CCNH: variants seen among roughly 807,000 people sequenced by gnomAD.
The protein encoded by CCNH is cyclin-H.
A neutral mutation model predicts 41.9 loss-of-function variants in CCNH; 31 were observed. That is an observed-to-expected ratio of 0.74 (90% CI 0.56 to 1.00). The LOEUF is 1.00. CCNH is among the 50% of genes least tolerant of loss of function. CCNH has a pLI of 0.00. For synonymous variants in CCNH, 138 were observed against 136.1 expected (o/e 1.01, Z -0.10); for missense variants, 362 against 388.4 (o/e 0.93, Z 0.57).
At chr5:87,316,315 G>A (rs550436846), downstream of CCNH, among the ~76,000 whole-genome samples, 50 of 152,152 alleles carry the variant, frequency 3.3e-4, no homozygotes, top group Non-Finnish European at 6.3e-4. Context: ...GTTGGTTTCA[G>A]AATGCATTTT....
chr5:87,321,491 TTGG>T (rs1756801871), intron 9 of CCNH, among the ~76,000 whole-genome samples: 2 of 152,244 alleles, frequency 1.3e-5, no homozygotes, highest in Non-Finnish European at 2.9e-5. Flanking sequence ...TGGCTTCGAG[TTGG>T]GGTTTCCACA....
At chr5:87,384,874 T>C (rs772590890) in intron 9 of CCNH, among the ~76,000 whole-genome samples, 1 of 152,104 alleles carries the variant, frequency 6.6e-6, no homozygotes, top group Non-Finnish European at 1.5e-5. Context: ...AGCGAATTAT[T>C]TGGACTGCAA....
intron 5 of CCNH, among the ~76,000 whole-genome samples, chr5:87,403,686 G>C (rs1561351305): frequency 6.6e-6 from 1 of 152,184 alleles, no homozygotes; most frequent in Non-Finnish European, 1.5e-5. Context: ...GCAAGCTGAA[G>C]TAGGAGGATC....
At chr5:87,338,536 A>ATATTTTTTTTT in intron 9 of CCNH, among the ~76,000 whole-genome samples, 8 of 85,214 alleles carry the variant, frequency 9.4e-5, no homozygotes, top group African/African-American at 2.7e-4. Context: ...TATATATAAA[A>ATATTTTTTTTT]TTTTTTTTTT....
chr5:87,393,942 T>TAA (rs1362174458), downstream of CCNH: 1 of 152,272 alleles, frequency 6.6e-6, no homozygotes, highest in African/African-American at 2.4e-5. Flanking sequence ...TTCGGGTAAC[T>TAA]AAAGAAAAAT....
chr5:87,311,562 G>A, the CCNH span, among the ~76,000 whole-genome samples: 3 of 152,226 alleles, frequency 2.0e-5, no homozygotes, highest in Admixed American at 2.0e-4. Flanking sequence ...GTCCAGCAGA[G>A]ATTAGATGCA....
chr5:87,391,542 T>C (rs1325953686), downstream of CCNH: 3 of 237,828 alleles, frequency 1.3e-5, no homozygotes, highest in Admixed American at 1.0e-4. Context: ...TTTGTTGAAA[T>C]TGTCAAAGAC....
At chr5:87,355,003 G>C (rs1235544149) in intron 9 of CCNH, among the ~76,000 whole-genome samples, 1 of 152,064 alleles carries the variant, frequency 6.6e-6, no homozygotes, top group Non-Finnish European at 1.5e-5. Flanking sequence ...AAGAAAAGTT[G>C]GAAGCTACCA....
chr5:87,344,769 T>A (rs1036888810), intron 9 of CCNH, among the ~76,000 whole-genome samples: 1 of 149,848 alleles, frequency 6.7e-6, no homozygotes, highest in African/African-American at 2.5e-5. Flanking sequence ...TCCTCCCACC[T>A]TGGCCTTCCA....
chr5:87,389,475 T>G, downstream of CCNH: 2 of 1,614,194 alleles, frequency 1.2e-6, no homozygotes. Context: ...GAGATTTGCG[T>G]GGCTCATTCA....
At chr5:87,393,228 G>C, downstream of CCNH, among the ~76,000 whole-genome samples, 1 of 152,136 alleles carries the variant, frequency 6.6e-6, no homozygotes, top group Non-Finnish European at 1.5e-5. Context: ...CTGAGACTGA[G>C]GAGGTGTGTG....
intron 9 of CCNH, among the ~76,000 whole-genome samples, chr5:87,382,470 A>T (rs1317422967): frequency 6.6e-6 from 1 of 152,220 alleles, no homozygotes; most frequent in Non-Finnish European, 1.5e-5. Context: ...TATGTCTATC[A>T]ATCTGTAGAA....
intron 9 of CCNH, among the ~76,000 whole-genome samples, chr5:87,368,084 A>G (rs1369461133): frequency 6.6e-6 from 1 of 152,074 alleles, no homozygotes; most frequent in Non-Finnish European, 1.5e-5. Context: ...TTTAGTATCT[A>G]ATTTAAACAG....
intron 9 of CCNH, among the ~76,000 whole-genome samples, chr5:87,322,080 G>C (rs1756860844): frequency 6.6e-6 from 1 of 152,144 alleles, no homozygotes; most frequent in African/African-American, 2.4e-5. Flanking sequence ...GTGGGTGTTT[G>C]GATCATAAAG....
chr5:87,362,553 TCAAGAA>T lies in CCNH; in HGVS notation c.*90+30211_*90+30216del, dbSNP rs2112456366. ...TTTTAATGTTTTTTAAAATTCAGGA[TCAAGAA>T]CAAGTACTCAATGACACAGTGGATG... On this transcript the variant is annotated intron_variant and NMD_transcript_variant, in intron 9 of 9. Coordinates refer to the CCNH transcript ENST00000645953. The T allele has an allele frequency of 1.9e-6, 3 of 1,589,940 alleles. No homozygotes were observed. The highest frequency in any genetic ancestry group is 2.6e-6 in the Non-Finnish European group (3 of 1,158,666).
chr5:87,359,411 ATGT>A (rs1390993808), intron 9 of CCNH, among the ~76,000 whole-genome samples: 2 of 152,164 alleles, frequency 1.3e-5, no homozygotes, highest in Non-Finnish European at 2.9e-5. Flanking sequence ...TTGAAAAGTG[ATGT>A]TGTGTTTTTG....
downstream of CCNH, chr5:87,386,731 T>C: frequency 9.4e-6 from 10 of 1,064,390 alleles, no homozygotes; most frequent in Non-Finnish European, 1.5e-5. Context: ...GTAATTGCAG[T>C]TTTTGCTGTT....
Position 87,368,797 on chromosome 5 carries a change from T to C in CCNH, c.*90+23973A>G, listed in dbSNP as rs16902634. ...TGGCAACTGCCTTGAACGGAAAAGA[T>C]GTGGAGAATGTCGGGTTAATTATAG... On this transcript the variant is annotated intron_variant and NMD_transcript_variant, in intron 9 of 9. Coordinates refer to the CCNH transcript ENST00000645953. Among the ~76,000 whole-genome samples, 1,358 of 152,306 alleles carry C rather than the reference T, an allele frequency of 8.9e-3. 62 individuals carry two copies. Among genetic ancestry groups the C allele is most frequent in the Admixed American group, 0.064 (976 of 15,280 alleles).
chr5:87,401,802 G>C (rs1561349662), intron 5 of CCNH, 30 bp from the exon 6 acceptor site: 1 of 1,302,558 alleles, frequency 7.7e-7, no homozygotes, highest in Non-Finnish European at 1.1e-6. Flanking sequence ...AAAATCTATT[G>C]AAAACATACA....
Sources: gnomAD v4.1 joint callset for allele counts (sites outside exome capture counted in the v4.1 genomes callset) on GRCh38, gnomAD v4.1.1 for gene constraint, MANE v1.5 for transcripts, NCBI Gene and HGNC (gene_info 2026-07-23, HGNC 2026-07-21) for gene names.